The following RELN variants were observed in gnomAD, a reference collection of about 807,000 sequenced individuals.
The protein encoded by RELN is reelin.
In RELN, 108 loss-of-function variants were observed where a neutral mutation model predicts 427.6. The ratio of observed to expected loss-of-function variants is 0.25; its 90% confidence interval spans 0.22 to 0.30. The LOEUF (loss-of-function observed/expected upper bound fraction) is 0.30. Among genes scored for constraint, RELN ranks in the 10% least tolerant of loss-of-function variants. RELN has a pLI of 1.00. For missense variants in RELN, 3,715 were observed against 4,302.8 expected (o/e 0.86, Z 3.82); for synonymous variants, 1,524 against 1,513.4 (o/e 1.01, Z -0.16).
intron 1 of RELN, among the ~76,000 whole-genome samples, chr7:103,926,099 CTTTTTTT>C (rs55899563): frequency 1.1e-5 from 1 of 90,074 alleles, no homozygotes; most frequent in Non-Finnish European, 2.0e-5. Context: ...CCCACCCCGC[CTTTTTTT>C]TTTTTTTTTT....
chr7:103,509,602 C>T (rs977226738), intron 51 of RELN, among the ~76,000 whole-genome samples: 2 of 152,132 alleles, frequency 1.3e-5, no homozygotes, highest in Non-Finnish European at 2.9e-5. Context: ...TGGGCAAAGA[C>T]TTAATGACTA....
intron 31 of RELN, among the ~76,000 whole-genome samples, chr7:103,568,419 A>T (rs1195271586): frequency 6.6e-6 from 1 of 152,222 alleles, no homozygotes; most frequent in Non-Finnish European, 1.5e-5. Context: ...GGATGAAAAT[A>T]TGTTCAAATA....
intron 12 of RELN, among the ~76,000 whole-genome samples, chr7:103,657,262 T>G (rs973516844): frequency 6.6e-5 from 10 of 152,032 alleles, no homozygotes; most frequent in African/African-American, 2.4e-4. Context: ...CATGCTTCAG[T>G]GTTATGATAA....
intron 2 of RELN, among the ~76,000 whole-genome samples, chr7:103,915,284 A>C (rs1007880401): frequency 6.6e-6 from 1 of 151,870 alleles, no homozygotes. Flanking sequence ...ATTACACCAC[A>C]CTTTACTCAA....
chr7:103,738,066 T>C (rs1393834733), intron 6 of RELN, among the ~76,000 whole-genome samples: 1 of 150,744 alleles, frequency 6.6e-6, no homozygotes, highest in Non-Finnish European at 1.5e-5. Flanking sequence ...TCTCTGCTAT[T>C]ATTATTGTTC....
chr7:103,708,489 A>C (rs1194690298), intron 8 of RELN, among the ~76,000 whole-genome samples: 1 of 59,930 alleles, frequency 1.7e-5, no homozygotes, highest in Non-Finnish European at 2.8e-5. Context: ...TTTGAGACGG[A>C]GTCTTGCTGT....
At chr7:103,752,708 C>A (rs554252261) in intron 5 of RELN, among the ~76,000 whole-genome samples, 1 of 152,256 alleles carries the variant, frequency 6.6e-6, no homozygotes, top group East Asian at 1.9e-4. Flanking sequence ...AGCCACCATG[C>A]CCAGCTTCAG....
At chr7:103,786,142 T>G (rs902148529) in intron 3 of RELN, among the ~76,000 whole-genome samples, 25 of 151,930 alleles carry the variant, frequency 1.6e-4, no homozygotes, top group Non-Finnish European at 2.9e-5. Flanking sequence ...ATTAAAAAAC[T>G]TTTTTTCCGT....
At chr7:103,910,988 C>A (rs1021248710) in intron 2 of RELN, among the ~76,000 whole-genome samples, 5 of 139,562 alleles carry the variant, frequency 3.6e-5, no homozygotes, top group South Asian at 2.4e-4. Flanking sequence ...GCAACAAAAG[C>A]CAAAATTGAC....
chr7:103,687,864 G>T (rs940366550), intron 10 of RELN, among the ~76,000 whole-genome samples: 2 of 152,030 alleles, frequency 1.3e-5, no homozygotes, highest in African/African-American at 2.4e-5. Context: ...TTGTTTCTGT[G>T]CTATTGCCAC....
At chr7:103,891,645 T>G (rs370287678) in intron 2 of RELN, among the ~76,000 whole-genome samples, 2 of 152,058 alleles carry the variant, frequency 1.3e-5, no homozygotes, top group Admixed American at 6.5e-5. Flanking sequence ...GTTGCACCTG[T>G]GAAGTTTCAA....
intron 2 of RELN, among the ~76,000 whole-genome samples, chr7:103,835,346 C>T (rs974843341): frequency 2.0e-5 from 3 of 152,206 alleles, no homozygotes; most frequent in Non-Finnish European, 4.4e-5. Context: ...AACGAAACTA[C>T]TCTGTATGAT....
At chr7:103,986,026 T>C (rs1259958780) in intron 1 of RELN, among the ~76,000 whole-genome samples, 1 of 151,982 alleles carries the variant, frequency 6.6e-6, no homozygotes, top group Non-Finnish European at 1.5e-5. Context: ...TTGCGGAAAC[T>C]GACCATGTCT....
intron 3 of RELN, among the ~76,000 whole-genome samples, chr7:103,786,519 A>G (rs1584491839): frequency 7.6e-5 from 1 of 13,116 alleles, no homozygotes; most frequent in Non-Finnish European, 1.4e-4. Context: ...AATGGAACCA[A>G]AAAAAAAAAA....
intron 11 of RELN, among the ~76,000 whole-genome samples, chr7:103,674,720 G>A (rs1490912803): frequency 6.6e-6 from 1 of 152,146 alleles, no homozygotes; most frequent in Non-Finnish European, 1.5e-5. Flanking sequence ...TGGGATGCAA[G>A]CCTGGTTCAA....
At position 103,630,063 on chromosome 7, in the gene RELN, A is replaced by G. The variant is rs1695706226; in HGVS notation, c.2579T>C (p.Ile860Thr). Reference protein sequence around the residue: ...REDVWAIDEIIMTSVLFNSIS... With the variant: ...REDVWAIDEITMTSVLFNSIS... Reference sequence around the variant, plus strand: ...GCTGTTGAAAAGCACAGATGTCATGATAATCTCATCAATAGCCCATACATC... The same window carrying G: ...GCTGTTGAAAAGCACAGATGTCATGGTAATCTCATCAATAGCCCATACATC... Residue 860 changes from isoleucine (I) to threonine (T), a missense_variant, in exon 20 of 65, where the codon ATC becomes ACC. Transcript: ENST00000428762. The G allele has an allele frequency of 1.9e-6, 3 of 1,613,348 alleles. No homozygotes were observed. Among genetic ancestry groups the G allele is most frequent in the Non-Finnish European group, 2.5e-6 (3 of 1,179,318 alleles).
At chr7:103,805,085 C>A (rs1162655871) in intron 3 of RELN, among the ~76,000 whole-genome samples, 2 of 150,160 alleles carry the variant, frequency 1.3e-5, no homozygotes, top group Admixed American at 1.3e-4. Flanking sequence ...AAAAAAAAAA[C>A]AACTCAATGT....
At chr7:103,790,444 T>C (rs928810601) in intron 3 of RELN, among the ~76,000 whole-genome samples, 1 of 152,172 alleles carries the variant, frequency 6.6e-6, no homozygotes, top group African/African-American at 2.4e-5. Flanking sequence ...CCTTTGACCA[T>C]ATCTCTTGCA....
intron 4 of RELN, among the ~76,000 whole-genome samples, chr7:103,767,536 CAT>C (rs1309337422): frequency 6.6e-6 from 1 of 152,122 alleles, no homozygotes; most frequent in Admixed American, 6.5e-5. Flanking sequence ...ATACCACACT[CAT>C]ATTAACATTT....
Sources: gnomAD v4.1 joint callset for allele counts (sites outside exome capture counted in the v4.1 genomes callset) on GRCh38, gnomAD v4.1.1 for gene constraint, MANE v1.5 for transcripts, NCBI Gene and HGNC (gene_info 2026-07-23, HGNC 2026-07-21) for gene names.